The following HIVEP2 variants were observed in gnomAD, a reference collection of about 807,000 sequenced individuals.
The protein encoded by HIVEP2 is transcription factor HIVEP2.
A neutral mutation model predicts 180.7 loss-of-function variants in HIVEP2; 14 were observed. The observed-to-expected ratio is 0.08, with a 90% confidence interval of 0.05 to 0.12. The LOEUF (loss-of-function observed/expected upper bound fraction) is 0.12. HIVEP2 is among the 10% of genes least tolerant of loss of function. HIVEP2 has a pLI of 1.00. For missense variants in HIVEP2, 2,579 were observed against 3,008.5 expected, an observed-to-expected ratio of 0.86 and a Z score of 3.34; for synonymous variants, 1,184 against 1,136.4, an observed-to-expected ratio of 1.04 and a Z score of -0.84.
In HIVEP2 at chr6:142,771,682, T is replaced by C; in HGVS notation, c.3057A>G (p.Pro1019=). Residue 1019 remains proline (P), a synonymous_variant, in exon 5 of 10, where the codon CCA becomes CCG. Transcript: ENST00000367603. This position sits in a 1 kb window ranked among gnomAD's most constrained non-coding sequence, Gnocchi z 5.4. ...GCATCTCTTTCTGGTGGTGATGGCC[T>C]GGGACAGACAATGAGTATGAACCAG... The part of the protein sequence containing the change: ...VPAGSYSLSV[P]GHHHQKEMRR... The C allele has an allele frequency of 6.2e-7, 1 of 1,614,214 alleles. No individual in the cohort carries two copies. The highest frequency in any genetic ancestry group is 8.5e-7 in the Non-Finnish European group (1 of 1,180,036).
intron 1 of HIVEP2, among the ~76,000 whole-genome samples, chr6:142,911,139 TAAAAA>T (rs5880554): frequency 9.4e-6 from 1 of 106,230 alleles, no homozygotes; most frequent in East Asian, 2.6e-4. Flanking sequence ...ACAAACACAT[TAAAAA>T]AAAAAAAAAA....
chr6:142,753,832 G>A lies in HIVEP2; in HGVS notation c.6616C>T (p.Pro2206Ser), dbSNP rs373615494. ...HPGSSLFPEG[P>S]NDYVFSHLPL... is the part of the protein sequence containing the mutation. Reference sequence around the variant, plus strand: ...AGATGACTGAAGACATAGTCATTAGGACCCTCAGGGAAAAGGCTGGAGCCT... The same window carrying A: ...AGATGACTGAAGACATAGTCATTAGAACCCTCAGGGAAAAGGCTGGAGCCT... The change falls in exon 10 of 10, where the codon CCT (proline) becomes TCT (serine). Residue 2206 changes from proline (P) to serine (S), a missense_variant. Transcript: ENST00000367603. 1.5e-5 allele frequency: 25 copies of A among 1,613,448 alleles called. No individual in the cohort carries two copies. In the African/African-American group the frequency reaches 3.2e-4, roughly 21 times the overall value.
At chr6:142,796,748 A>C (rs1420849183) in intron 2 of HIVEP2, among the ~76,000 whole-genome samples, 1 of 152,192 alleles carries the variant, frequency 6.6e-6, no homozygotes, top group Middle Eastern at 3.2e-3. Flanking sequence ...CTATTGCATT[A>C]AACATGATGA....
Position 142,770,263 on chromosome 6 carries a change from T to C in HIVEP2, c.4476A>G (p.Lys1492=). 1 of 1,613,912 alleles carries C rather than the reference T, an allele frequency of 6.2e-7. No homozygotes were observed. ...DIKKDLSRPQ[K]PQLVRQGCAS... ...CACATCCTTGTCGAACCAGCTGGGG[T>C]TTCTGGGGGCGGGAGAGGTCCTTTT... The change falls in exon 5 of 10, where the codon AAA becomes AAG. Residue 1492 remains lysine (K), a synonymous_variant. Coordinates refer to ENST00000367603, the MANE Select transcript of HIVEP2 (RefSeq NM_006734.4). This position sits in a 1 kb window ranked among gnomAD's most constrained non-coding sequence, Gnocchi z 4.7.
chr6:142,841,351 A>T (rs75750514), intron 1 of HIVEP2, among the ~76,000 whole-genome samples: 2,207 of 152,152 alleles, frequency 0.015, 49 homozygotes, highest in African/African-American at 0.05. Flanking sequence ...ACATCAATCC[A>T]CATATTTAAA....
intron 6 of HIVEP2, among the ~76,000 whole-genome samples, chr6:142,765,996 A>C (rs956909899): frequency 6.6e-6 from 1 of 152,180 alleles, no homozygotes; most frequent in Non-Finnish European, 1.5e-5. Flanking sequence ...AGGTAAACTG[A>C]CATGCAAAAT....
At chr6:142,925,870 T>C (rs918092621) in intron 1 of HIVEP2, among the ~76,000 whole-genome samples, 1 of 152,254 alleles carries the variant, frequency 6.6e-6, no homozygotes, top group Non-Finnish European at 1.5e-5. Context: ...AACTCTTTGA[T>C]GTAAGAAACC....
At position 142,769,697 on chromosome 6, in the gene HIVEP2, T is replaced by A; in HGVS notation, c.5042A>T (p.Asn1681Ile). The change falls in exon 5 of 10, where the codon AAC becomes ATC. Residue 1681 changes from asparagine to isoleucine, a missense_variant. Asn to Ile is a moderately radical substitution (Grantham distance 149). This residue lies in a region of HIVEP2 where 349 missense variants were observed against 367.2 expected (regional missense o/e 0.95). Transcript: ENST00000367603. Reference protein sequence around the residue: ...ASWCISSCNPNPSGLNTKTTL... With the variant: ...ASWCISSCNPIPSGLNTKTTL... Reference sequence around the variant, plus strand: ...GGTCTTGGTGTTCAATCCTGATGGGTTTGGATTACAGGAACTAATGCACCA... The same window carrying A: ...GGTCTTGGTGTTCAATCCTGATGGGATTGGATTACAGGAACTAATGCACCA... The A allele has an allele frequency of 1.9e-6, 3 of 1,614,188 alleles. No individual in the cohort carries two copies. Among genetic ancestry groups the A allele is most frequent in the Non-Finnish European group, 2.5e-6 (3 of 1,180,040 alleles).
rs1359142978 is a variant in HIVEP2, at chr6:142,771,610, G to A, written c.3129C>T (p.Val1043=). The change falls in exon 5 of 10, where the codon GTC becomes GTT. Residue 1043 remains valine, a synonymous_variant. Transcript: ENST00000367603. The surrounding 1 kb of genome is among the most constrained non-coding windows in gnomAD (Gnocchi z 5.4). The stretch of plus-strand genomic sequence containing the variant: ...CAAATGATTTGCTCCGAACTTCTGG[G>A]ACTTCCGCTGGGTGAGGACAAGGCA... ...EQMPCPHPAE[V]PEVRSKSFDY... is the part of the protein sequence containing the mutation. The A allele has an allele frequency of 6.2e-7, 1 of 1,614,172 alleles. No individual in the cohort carries two copies. The highest frequency in any genetic ancestry group is 8.5e-7 in the Non-Finnish European group (1 of 1,180,030).
At chr6:142,849,837 A>G (rs903822981) in intron 1 of HIVEP2, among the ~76,000 whole-genome samples, 1 of 152,016 alleles carries the variant, frequency 6.6e-6, no homozygotes, top group African/African-American at 2.4e-5. Flanking sequence ...GTTTCTGTAA[A>G]ACAGTCTGAA....
At chr6:142,941,083 G>GTA (rs1778166422) in intron 1 of HIVEP2, among the ~76,000 whole-genome samples, 1 of 152,198 alleles carries the variant, frequency 6.6e-6, no homozygotes, top group African/African-American at 2.4e-5. Flanking sequence ...TAATGGGAGT[G>GTA]TATGTTAAGA....
chr6:142,753,775 G>A lies in HIVEP2; in HGVS notation c.6673C>T (p.Pro2225Ser). The A allele has an allele frequency of 2.5e-6, 4 of 1,614,184 alleles. No homozygotes were observed. The highest frequency in any genetic ancestry group is 3.4e-6 in the Non-Finnish European group (4 of 1,180,030). The part of the protein sequence containing the change: ...PLHSQQQVRA[P>S]IPMVPVGGIQ... The stretch of plus-strand genomic sequence containing the variant: ...CCACCAACGGGCACCATGGGGATAG[G>A]GGCTCGCACTTGTTGCTGAGAGTGG... Residue 2225 changes from proline to serine, a missense_variant, in exon 10 of 10, where the codon CCT becomes TCT. Transcript: ENST00000367603.
Position 142,753,650 on chromosome 6 carries a change from C to G in HIVEP2, c.6798G>C (p.Ala2266=). 6.2e-7 allele frequency: 1 copy of G among 1,614,172 alleles called. No individual in the cohort carries two copies. Among genetic ancestry groups the G allele is most frequent in the Non-Finnish European group, 8.5e-7 (1 of 1,180,024 alleles). ...PMEGFEEKKG[A]SGESFSKDPY... ...GGTCCTTGGAGAAGGACTCCCCTGA[C>G]GCGCCTTTCTTCTCCTCAAAGCCCT... The change falls in exon 10 of 10, where the codon GCG becomes GCC. Residue 2266 remains alanine, a synonymous_variant. Transcript: ENST00000367603.
intron 1 of HIVEP2, among the ~76,000 whole-genome samples, chr6:142,880,351 T>C (rs892123967): frequency 1.3e-5 from 2 of 151,972 alleles, no homozygotes; most frequent in African/African-American, 4.8e-5. Flanking sequence ...ACCAAAAAAA[T>C]TGACTCCAAT....
chr6:142,882,292 C>T (rs896616630), intron 1 of HIVEP2, among the ~76,000 whole-genome samples: 7 of 151,960 alleles, frequency 4.6e-5, no homozygotes, highest in South Asian at 2.1e-4. Context: ...CCTTCAATAC[C>T]GATAACTCAC....
intron 1 of HIVEP2, among the ~76,000 whole-genome samples, chr6:142,857,200 G>C (rs1348531821): frequency 6.6e-6 from 1 of 151,000 alleles, no homozygotes; most frequent in African/African-American, 2.4e-5. Flanking sequence ...AGTGAAGCTT[G>C]AGTTCATGAG....
chr6:142,859,285 A>G (rs762508610), intron 1 of HIVEP2, among the ~76,000 whole-genome samples: 3 of 151,850 alleles, frequency 2.0e-5, no homozygotes, highest in African/African-American at 7.3e-5. Context: ...CTGGGCAACA[A>G]AGGGAGACTC....
Position 142,770,758 on chromosome 6 carries a change from C to A in HIVEP2, c.3981G>T (p.Gln1327His). Residue 1327 changes from glutamine to histidine, a missense_variant, in exon 5 of 10, where the codon CAG becomes CAT. Gln to His is a conservative substitution (Grantham distance 24, BLOSUM62 0). Around this residue, in one of 11 missense-constraint regions of HIVEP2, gnomAD observed 523 missense variants for 577.0 expected, o/e 0.91. Coordinates refer to ENST00000367603, the MANE Select transcript of HIVEP2 (RefSeq NM_006734.4). The surrounding 1 kb of genome is among the most constrained non-coding windows in gnomAD (Gnocchi z 4.7). ...DFASANAGSL[Q>H]SLPGTVVPVR... ...CAGGAACCACTGTTCCTGGGAGGGA[C>A]TGCAAAGACCCAGCATTTGCCGAGG... The A allele has an allele frequency of 6.2e-7, 1 of 1,614,198 alleles. No individual in the cohort carries two copies. Among genetic ancestry groups the A allele is most frequent in the Non-Finnish European group, 8.5e-7 (1 of 1,180,048 alleles).
chr6:142,816,396 T>G (rs1048985049), intron 2 of HIVEP2, among the ~76,000 whole-genome samples: 1 of 152,186 alleles, frequency 6.6e-6, no homozygotes, highest in Non-Finnish European at 1.5e-5. Flanking sequence ...TTAATTCATC[T>G]CTTTGTCTAC....
Sources: allele counts gnomAD v4.1 joint callset (sites outside exome capture counted in the v4.1 genomes callset), GRCh38; gene constraint gnomAD v4.1.1; regional missense constraint gnomAD v4.1.1; non-coding constraint Gnocchi (gnomAD v3.1); transcripts MANE v1.5; gene names NCBI Gene and HGNC (gene_info 2026-07-23, HGNC 2026-07-21).